KIAA0319L: variants seen among roughly 807,000 people sequenced by gnomAD.
The protein encoded by KIAA0319L is dyslexia-associated protein KIAA0319-like protein.
A neutral mutation model predicts 120.1 loss-of-function variants in KIAA0319L; 55 were observed. The observed-to-expected ratio is 0.46, with a 90% CI of 0.37 to 0.57. The LOEUF (loss-of-function observed/expected upper bound fraction) is 0.57. KIAA0319L is among the 20% of genes least tolerant of loss of function. KIAA0319L has a pLI of 0.00. For missense variants in KIAA0319L, 1,049 were observed against 1,255.3 expected (o/e 0.84, Z 2.48); for synonymous variants, 398 against 471.9 (o/e 0.84, Z 2.03).
intron 2 of KIAA0319L, among the ~76,000 whole-genome samples, chr1:35,548,455 T>C (rs1647069215): frequency 6.6e-6 from 1 of 152,216 alleles, no homozygotes; most frequent in African/African-American, 2.4e-5. Flanking sequence ...ATTAAAGTAT[T>C]ATAGTGTTTG....
chr1:35,515,298 G>A (rs1336904790), intron 2 of KIAA0319L, among the ~76,000 whole-genome samples: 1 of 145,862 alleles, frequency 6.9e-6, no homozygotes. Flanking sequence ...GACAAAAAGA[G>A]TGAAACTCCA....
intron 3 of KIAA0319L, among the ~76,000 whole-genome samples, chr1:35,485,151 A>C (rs1644340364): frequency 6.6e-6 from 1 of 151,704 alleles, no homozygotes; most frequent in South Asian, 2.1e-4. Flanking sequence ...CTGGTTGAAA[A>C]CTAGAGGCTT....
At chr1:35,459,453 C>T (rs1030039511) in intron 9 of KIAA0319L, among the ~76,000 whole-genome samples, 5 of 151,880 alleles carry the variant, frequency 3.3e-5, no homozygotes, top group East Asian at 1.9e-4. Context: ...AAAAATTAGC[C>T]GGGCGTGGTG....
At chr1:35,485,343 T>C (rs1365079305) in intron 3 of KIAA0319L, among the ~76,000 whole-genome samples, 2 of 152,202 alleles carry the variant, frequency 1.3e-5, no homozygotes, top group Admixed American at 6.5e-5. Flanking sequence ...GGGCAGCCTA[T>C]GCCTGCATCA....
chr1:35,442,343 A>G lies in KIAA0319L; in HGVS notation c.2780-7T>C. ...ACATATAACACGCTCCACTCTGCCA[A>G]GAAAATCAAAATGGTGAGGGCTGTG... is the stretch of plus-strand genomic sequence containing the variant. On this transcript the variant is annotated splice_polypyrimidine_tract_variant and splice_region_variant and intron_variant, in intron 18 of 20. Transcript: ENST00000325722. 1 of 1,610,550 alleles carries G rather than the reference A, an allele frequency of 6.2e-7. No homozygotes were observed. Among genetic ancestry groups the G allele is most frequent in the Non-Finnish European group, 8.5e-7 (1 of 1,176,744 alleles).
rs763644672 is a variant in KIAA0319L, at chr1:35,444,247, T to C, written c.2570A>G (p.His857Arg). 2.5e-6 allele frequency: 4 copies of C among 1,609,332 alleles called. No homozygotes were observed. The Admixed American group carries it at 5.1e-5, about 20-fold the overall frequency. ...NEPPHQIFKG[H>R]EVAAMLKSEL... The stretch of plus-strand genomic sequence containing the variant: ...ACTCTTGAGCATCGCTGCCACCTCA[T>C]GGCCTTTGAAGATCTGGTGGGGAGG... Residue 857 changes from histidine (H) to arginine (R), a missense_variant, in exon 17 of 21, where the codon CAT becomes CGT. Physicochemically the swap from His to Arg is conservative, Grantham distance 29. Transcript: ENST00000325722.
At chr1:35,440,697 C>T (rs1163809418) in intron 20 of KIAA0319L, 1 of 262,806 alleles carries the variant, frequency 3.8e-6, no homozygotes. Flanking sequence ...CCATAAAGCA[C>T]AGACTGGTCA....
chr1:35,484,785 TATATATATATATATATATATA>T (rs1644303653), intron 3 of KIAA0319L, among the ~76,000 whole-genome samples: 2 of 62,112 alleles, frequency 3.2e-5, no homozygotes, highest in East Asian at 3.5e-4. Flanking sequence ...TATATATATA[TATATATATATATATATATATA>T]TTTTTTTTTT....
intron 3 of KIAA0319L, among the ~76,000 whole-genome samples, chr1:35,485,431 A>G (rs1236184032): frequency 6.6e-6 from 1 of 152,122 alleles, no homozygotes; most frequent in Non-Finnish European, 1.5e-5. Flanking sequence ...CTGCCAATCT[A>G]TCTGTATATT....
At chr1:35,519,368 G>GT (rs1249501035) in intron 2 of KIAA0319L, among the ~76,000 whole-genome samples, 1 of 151,800 alleles carries the variant, frequency 6.6e-6, no homozygotes, top group African/African-American at 2.4e-5. Flanking sequence ...TTTTTCCCCT[G>GT]TATAACTTCA....
At chr1:35,462,740 T>A (rs566262406) in intron 7 of KIAA0319L, 27 bp from the exon 8 acceptor site, 12 of 1,557,682 alleles carry the variant, frequency 7.7e-6, no homozygotes, top group Non-Finnish European at 9.7e-6. Flanking sequence ...CAAAAGAAAT[T>A]GGGAAAGAGG....
rs368729514 is a variant in KIAA0319L, at chr1:35,454,454, G to A, written c.1688C>T (p.Ala563Val). Reference protein sequence around the residue: ...GVRTPTLQLSAMQEGDYTYQL... With the variant: ...GVRTPTLQLSVMQEGDYTYQL... ...GTAAGTGTAGTCTCCTTCTTGCATC[G>A]CAGAGAGCTGTAAGGTTGGTGTTCT... The change falls in exon 11 of 21, where the codon GCG becomes GTG. Residue 563 changes from alanine to valine, a missense_variant. Physicochemically the swap from Ala to Val is moderately conservative, Grantham distance 64. Transcript: ENST00000325722. 123 of 1,613,888 alleles carry A rather than the reference G, an allele frequency of 7.6e-5. No homozygotes were observed. Among genetic ancestry groups the A allele is most frequent in the Non-Finnish European group, 8.6e-5 (101 of 1,179,892 alleles).
intron 3 of KIAA0319L, among the ~76,000 whole-genome samples, chr1:35,504,365 T>A (rs911193844): frequency 1.3e-5 from 2 of 152,032 alleles, no homozygotes; most frequent in Non-Finnish European, 2.9e-5. Flanking sequence ...CCCGGCTAAC[T>A]TTTTGTATTT....
chr1:35,517,192 A>G lies in KIAA0319L; in HGVS notation c.143-10057T>C, dbSNP rs1768550. 6.6e-3 allele frequency among the ~76,000 whole-genome samples: 999 copies of G among 152,310 alleles called. 15 individuals are homozygous for G. The highest frequency in any genetic ancestry group is 0.021 in the South Asian group (103 of 4,824). On this transcript the variant is annotated intron_variant, in intron 2 of 20. Transcript: ENST00000325722. The stretch of plus-strand genomic sequence containing the variant: ...TCAAACTACCAATGACATTCTTCAC[A>G]GAACTAGAAAAAAAACTATTTTAAA...
intron 4 of KIAA0319L, among the ~76,000 whole-genome samples, chr1:35,476,448 C>T (rs927534173): frequency 2.0e-5 from 3 of 152,230 alleles, no homozygotes; most frequent in Admixed American, 6.5e-5. Context: ...GCCTGGGAGG[C>T]GAGAAGGGCT....
intron 2 of KIAA0319L, among the ~76,000 whole-genome samples, chr1:35,553,727 GAAAGAA>G (rs1314372999): frequency 6.6e-6 from 1 of 150,768 alleles, no homozygotes; most frequent in East Asian, 1.9e-4. Context: ...AAGAAAGAAA[GAAAGAA>G]AGAAAGAAAG....
At position 35,484,806 on chromosome 1, in the gene KIAA0319L, ATT is replaced by A. The variant is rs1198710657; in HGVS notation, c.667-5596_667-5595del. Among the ~76,000 whole-genome samples the A allele has an allele frequency of 2.6e-3, 223 of 86,208 alleles. 1 individual carries two copies. Among genetic ancestry groups the A allele is most frequent in the Middle Eastern group, 0.016 (3 of 182 alleles). 56.6% of individuals were successfully genotyped at this position (86,208 alleles called of 152,430 possible). A position where few individuals can be genotyped will look rare whatever the true frequency, so the allele number is the denominator to read the frequency against. On this transcript the variant is annotated intron_variant, in intron 3 of 20. Transcript: ENST00000325722. ...TATATATATATATATATATATATAT[ATT>A]TTTTTTTTTATTATACTCTAAGTTT...
intron 3 of KIAA0319L, among the ~76,000 whole-genome samples, chr1:35,481,263 T>C (rs534403723): frequency 6.6e-6 from 1 of 152,346 alleles, no homozygotes; most frequent in East Asian, 1.9e-4. Context: ...AGTATACATG[T>C]TTCTGTAAAC....
At chr1:35,554,259 C>T in intron 2 of KIAA0319L, 91 bp downstream of exon 2, 1 of 916,332 alleles carries the variant, frequency 1.1e-6, no homozygotes, top group Non-Finnish European at 1.5e-6. Flanking sequence ...GTTTTTTCTG[C>T]CTCCTAATAG....
Sources: allele counts gnomAD v4.1 joint callset (sites outside exome capture counted in the v4.1 genomes callset), GRCh38; gene constraint gnomAD v4.1.1; transcripts MANE v1.5; gene names NCBI Gene and HGNC (gene_info 2026-07-23, HGNC 2026-07-21).